ATRNL1: variants seen among roughly 807,000 people sequenced by gnomAD.
ATRNL1 encodes the protein attractin-like protein 1.
ATRNL1 carries 95 observed loss-of-function variants against 182.7 expected under a neutral mutation model. That is an observed-to-expected ratio of 0.52 (90% CI 0.44 to 0.62). The LOEUF is 0.62. Ranked by LOEUF, ATRNL1 falls within the 20% of genes least tolerant of loss-of-function variation. ATRNL1 has a pLI of 0.00. For synonymous variants in ATRNL1, 576 were observed against 568.3 expected (o/e 1.01, Z -0.19); for missense variants, 1,471 against 1,679.5 (o/e 0.88, Z 2.17).
intron 22 of ATRNL1, among the ~76,000 whole-genome samples, chr10:115,465,547 T>G (rs372991974): frequency 6.6e-6 from 1 of 151,598 alleles, no homozygotes; most frequent in South Asian, 2.1e-4. Flanking sequence ...TTTTGTGGCA[T>G]GTACTGCAGA....
At chr10:115,659,596 G>C (rs1045924035) in intron 26 of ATRNL1, among the ~76,000 whole-genome samples, 1 of 152,008 alleles carries the variant, frequency 6.6e-6, no homozygotes, top group Admixed American at 6.6e-5. Context: ...TTGTAATACA[G>C]TTATTTATGC....
intron 20 of ATRNL1, among the ~76,000 whole-genome samples, chr10:115,406,889 G>C (rs1185563894): frequency 1.3e-5 from 2 of 151,814 alleles, no homozygotes; most frequent in South Asian, 2.1e-4. Context: ...TTTTCCCTAT[G>C]GTTAGTGCTT....
intron 26 of ATRNL1, among the ~76,000 whole-genome samples, chr10:115,560,533 G>A (rs1173879466): frequency 2.0e-5 from 3 of 152,028 alleles, no homozygotes; most frequent in African/African-American, 7.2e-5. Flanking sequence ...TAAATAAATG[G>A]AAAGATACTA....
intron 26 of ATRNL1, among the ~76,000 whole-genome samples, chr10:115,638,615 A>G (rs1452203562): frequency 6.6e-6 from 1 of 152,206 alleles, no homozygotes; most frequent in Non-Finnish European, 1.5e-5. Flanking sequence ...ACATTATGGA[A>G]TTAGATATTG....
chr10:115,235,621 T>A (rs925962937), intron 9 of ATRNL1, among the ~76,000 whole-genome samples: 2 of 152,170 alleles, frequency 1.3e-5, no homozygotes, highest in African/African-American at 2.4e-5. Flanking sequence ...TACCATATTT[T>A]AAAAATCTAT....
chr10:115,359,509 A>G (rs999802279), intron 19 of ATRNL1, among the ~76,000 whole-genome samples: 2 of 151,552 alleles, frequency 1.3e-5, no homozygotes, highest in Non-Finnish European at 3.0e-5. Context: ...ATTTTCAGCA[A>G]TTGGGCCAAC....
chr10:115,442,303 C>CTCTCTCTGTGTG (rs782157017), intron 21 of ATRNL1, among the ~76,000 whole-genome samples: 1 of 123,758 alleles, frequency 8.1e-6, no homozygotes, highest in African/African-American at 3.1e-5. Context: ...CTCTCTCTCT[C>CTCTCTCTGTGTG]TGTGTGTATG....
intron 17 of ATRNL1, among the ~76,000 whole-genome samples, chr10:115,303,221 G>GTTTTTGTTTTTTT (rs781902037): frequency 5.6e-5 from 6 of 107,026 alleles, no homozygotes; most frequent in African/African-American, 2.3e-4. Flanking sequence ...TGGTATGCAG[G>GTTTTTGTTTTTTT]TTTTTTTTTT....
intron 27 of ATRNL1, among the ~76,000 whole-genome samples, chr10:115,775,210 G>A (rs1209584517): frequency 6.6e-6 from 1 of 152,046 alleles, no homozygotes; most frequent in African/African-American, 2.4e-5. Context: ...TATAGCTTTA[G>A]CTTGTCAGTT....
At chr10:115,933,090 C>G (rs1484874902) in intron 28 of ATRNL1, among the ~76,000 whole-genome samples, 2 of 152,220 alleles carry the variant, frequency 1.3e-5, no homozygotes, top group Non-Finnish European at 2.9e-5. Flanking sequence ...TTCCCTTTGG[C>G]AAGCAATTCC....
intron 19 of ATRNL1, among the ~76,000 whole-genome samples, chr10:115,351,844 G>A (rs997085533): frequency 2.0e-5 from 3 of 151,966 alleles, no homozygotes; most frequent in African/African-American, 7.3e-5. Flanking sequence ...GGATGAATTT[G>A]AGAGTGTTCT....
At chr10:115,777,682 C>T (rs576805042) in intron 27 of ATRNL1, among the ~76,000 whole-genome samples, 2 of 152,288 alleles carry the variant, frequency 1.3e-5, no homozygotes, top group Admixed American at 1.3e-4. Flanking sequence ...TTAACAAAAA[C>T]TGGCCCTGTG....
At chr10:115,888,719 A>G (rs953193220) in intron 28 of ATRNL1, among the ~76,000 whole-genome samples, 36 of 152,294 alleles carry the variant, frequency 2.4e-4, no homozygotes, top group Middle Eastern at 3.4e-3. Context: ...AATTTCACCC[A>G]TACCCAGTTC....
At chr10:115,681,111 A>G (rs782011710) in intron 26 of ATRNL1, among the ~76,000 whole-genome samples, 1 of 152,118 alleles carries the variant, frequency 6.6e-6, no homozygotes, top group Non-Finnish European at 1.5e-5. Context: ...ATGGGATTCT[A>G]CTATTACTAG....
intron 24 of ATRNL1, among the ~76,000 whole-genome samples, chr10:115,470,210 C>T (rs1230031363): frequency 6.7e-5 from 10 of 150,050 alleles, no homozygotes; most frequent in Admixed American, 6.7e-4. Context: ...TTTTTAAAAT[C>T]ATATGTTTAC....
rs2084938480 is a variant in ATRNL1 at position 115,093,823 on chromosome 10, G to C, written c.73G>C (p.Ala25Pro). ...AAPGVWRARP[A>P]GGGGGGASSW... The stretch of plus-strand genomic sequence containing the variant: ...CCCGGGGGTGTGGAGGGCTCGGCCG[G>C]CGGGCGGCGGCGGCGGGGGCGCCTC... Residue 25 changes from alanine (A) to proline (P), a missense_variant, in exon 1 of 29, where the codon GCG becomes CCG. Ala to Pro is a conservative substitution (Grantham distance 27). Coordinates refer to ENST00000355044, the MANE Select transcript of ATRNL1 (RefSeq NM_207303.4). The surrounding 1 kb of genome is among the most constrained non-coding windows in gnomAD (Gnocchi z 6.1). The C allele has an allele frequency of 6.7e-7, 1 of 1,502,054 alleles. No individual in the cohort carries two copies. The highest frequency in any genetic ancestry group is 8.9e-7 in the Non-Finnish European group (1 of 1,127,798). The allele number at this position is 1,502,054 out of a possible 1,614,324, so 93.0% of individuals were successfully genotyped here.
intron 27 of ATRNL1, among the ~76,000 whole-genome samples, chr10:115,763,049 C>A (rs2960710): frequency 0.95 from 144,616 of 152,238 alleles, 69,112 homozygotes; most frequent in East Asian, 1. Flanking sequence ...AATAATTTAT[C>A]TAAGTTGTAA....
Position 115,424,186 on chromosome 10 carries a change from C to T in ATRNL1, c.3270-2064C>T, listed in dbSNP as rs533181275. Among the ~76,000 whole-genome samples, 10 of 152,202 alleles carry T rather than the reference C, an allele frequency of 6.6e-5. No individual in the cohort carries two copies. In the South Asian group the frequency reaches 1.0e-3, roughly 16 times the overall value. On this transcript the variant is annotated intron_variant, in intron 20 of 28. Coordinates refer to ENST00000355044, the MANE Select transcript of ATRNL1 (RefSeq NM_207303.4). Reference sequence around the variant, plus strand: ...ACTGATATAAGAAGAAGAAACTCAACGTCACTCATCATTAGGAAAATGCAA... The same window carrying T: ...ACTGATATAAGAAGAAGAAACTCAATGTCACTCATCATTAGGAAAATGCAA...
At chr10:115,167,257 A>T (rs760241842) in intron 7 of ATRNL1, among the ~76,000 whole-genome samples, 59 of 151,552 alleles carry the variant, frequency 3.9e-4, no homozygotes, top group Non-Finnish European at 7.5e-4. Context: ...CTATTGATCT[A>T]TATGTCTGTC....
Sources: allele counts gnomAD v4.1 joint callset (sites outside exome capture counted in the v4.1 genomes callset), GRCh38; gene constraint gnomAD v4.1.1; non-coding constraint Gnocchi (gnomAD v3.1); transcripts MANE v1.5; gene names NCBI Gene and HGNC (gene_info 2026-07-23, HGNC 2026-07-21).